Variants in NFATC1 observed in about 807,000 individuals in gnomAD.
NFATC1 encodes the protein nuclear factor of activated T cells 1.
A neutral mutation model predicts 76.0 loss-of-function variants in NFATC1; 22 were observed. The observed-to-expected ratio is 0.29, with a 90% CI of 0.21 to 0.41. The LOEUF is 0.41. Among genes scored for constraint, NFATC1 ranks in the 10% least tolerant of loss-of-function variants. The pLI, the probability that NFATC1 is intolerant of heterozygous loss-of-function variation, is 1.00. For missense variants in NFATC1, 1,357 were observed against 1,337.7 expected (o/e 1.01, Z -0.23); for synonymous variants, 704 against 613.1 (o/e 1.15, Z -2.19).
intron 1 of NFATC1, among the ~76,000 whole-genome samples, chr18:79,401,919 G>C (rs564440211): frequency 6.6e-6 from 1 of 152,216 alleles, no homozygotes; most frequent in Admixed American, 6.5e-5. Flanking sequence ...GACAGTGTAC[G>C]GCCCTGGGCC....
chr18:79,480,465 G>A (rs992161361), intron 8 of NFATC1, among the ~76,000 whole-genome samples: 4 of 152,110 alleles, frequency 2.6e-5, no homozygotes, highest in East Asian at 3.9e-4. Flanking sequence ...CGTGCGTCCC[G>A]ATGCCACTGC....
intron 9 of NFATC1, chr18:79,498,334 T>A (rs1401198804): frequency 3.5e-5 from 5 of 144,588 alleles, no homozygotes; most frequent in East Asian, 2.0e-4. Context: ...ATAGAGAATA[T>A]CCATAATGAG....
chr18:79,401,990 T>C (rs2085277675), intron 1 of NFATC1, among the ~76,000 whole-genome samples: 1 of 152,162 alleles, frequency 6.6e-6, no homozygotes, highest in Admixed American at 6.5e-5. Flanking sequence ...GGGGTAGTTA[T>C]CCCCATGGAG....
chr18:79,463,851 TG>T (rs1412351809), intron 7 of NFATC1, among the ~76,000 whole-genome samples: 1 of 152,166 alleles, frequency 6.6e-6, no homozygotes, highest in African/African-American at 2.4e-5. Flanking sequence ...ATGCCGGAGC[TG>T]GGCTGCCCAG....
At chr18:79,516,218 G>T (rs1045018941) in intron 9 of NFATC1, among the ~76,000 whole-genome samples, 8 of 152,170 alleles carry the variant, frequency 5.3e-5, no homozygotes, top group African/African-American at 1.9e-4. Flanking sequence ...CAGATGAGGG[G>T]CTTGTTTTAT....
intron 9 of NFATC1, among the ~76,000 whole-genome samples, chr18:79,523,390 C>T (rs1354313324): frequency 1.3e-5 from 2 of 152,220 alleles, no homozygotes; most frequent in Non-Finnish European, 2.9e-5. Flanking sequence ...TTGGGTAGCT[C>T]ACTACAGGGT....
In NFATC1 at chr18:79,460,948, C is replaced by T. The variant is rs115727413; in HGVS notation, c.1904-363C>T. Among the ~76,000 whole-genome samples, 739 of 152,316 alleles carry T rather than the reference C, an allele frequency of 4.9e-3. 7 individuals carry two copies. The highest frequency in any genetic ancestry group is 0.013 in the African/African-American group (534 of 41,578). ...CTGGAGAGGACGAGGGCATAGAGACCCTCCCGTGACCTGTCCTGAGGCTGT... is the reference window on the plus strand; with the variant it reads ...CTGGAGAGGACGAGGGCATAGAGACTCTCCCGTGACCTGTCCTGAGGCTGT... On this transcript the variant is annotated intron_variant, in intron 6 of 9. Transcript: ENST00000427363.
At chr18:79,432,969 C>A (rs1469632962) in intron 2 of NFATC1, among the ~76,000 whole-genome samples, 2 of 152,226 alleles carry the variant, frequency 1.3e-5, no homozygotes, top group Non-Finnish European at 2.9e-5. Flanking sequence ...GCAAAGTAAC[C>A]GAACAGCCTC....
intron 9 of NFATC1, among the ~76,000 whole-genome samples, chr18:79,492,102 G>A (rs571608926): frequency 2.0e-4 from 31 of 152,344 alleles, no homozygotes; most frequent in Admixed American, 1.5e-3. Flanking sequence ...AAGGCAATAA[G>A]AGAATAGTGT....
In NFATC1 at chr18:79,402,229, C is replaced by T. The variant is rs2085291867; in HGVS notation, c.127+5878C>T. 9 of 584,702 alleles carry T rather than the reference C, an allele frequency of 1.5e-5. No homozygotes were observed. In the South Asian group the frequency reaches 6.0e-4, roughly 39 times the overall value. The allele number at this position is 584,702 out of a possible 1,614,324, so 36.2% of individuals were successfully genotyped here. On this transcript the variant is annotated intron_variant, in intron 1 of 9. Transcript: ENST00000427363. ...TTATCCGGGAAGACGCACAGGAGGCCAGTCTCTGCCCCTCGAGGCCTAGTC... is the reference window on the plus strand; with the variant it reads ...TTATCCGGGAAGACGCACAGGAGGCTAGTCTCTGCCCCTCGAGGCCTAGTC...
chr18:79,415,724 T>G (rs893982551), intron 2 of NFATC1, among the ~76,000 whole-genome samples: 3 of 152,162 alleles, frequency 2.0e-5, no homozygotes, highest in Non-Finnish European at 4.4e-5. Context: ...TCCGCTTGGT[T>G]TCAATGATCA....
At chr18:79,405,864 G>A (rs1232752441) in intron 1 of NFATC1, among the ~76,000 whole-genome samples, 1 of 152,156 alleles carries the variant, frequency 6.6e-6, no homozygotes, top group Non-Finnish European at 1.5e-5. Flanking sequence ...AGGCGTCCGT[G>A]GGCCTCTGCA....
At chr18:79,407,387 G>C (rs1010914168) in intron 1 of NFATC1, among the ~76,000 whole-genome samples, 3 of 152,180 alleles carry the variant, frequency 2.0e-5, no homozygotes, top group African/African-American at 7.2e-5. Flanking sequence ...AGGATGCCCA[G>C]CTCCAGCTCC....
At chr18:79,462,105 G>A (rs2088136285) in intron 7 of NFATC1, among the ~76,000 whole-genome samples, 2 of 152,146 alleles carry the variant, frequency 1.3e-5, no homozygotes, top group South Asian at 4.1e-4. Context: ...GATAATGACC[G>A]TCCTCGGATT....
At chr18:79,474,846 A>G (rs374231516) in intron 8 of NFATC1, among the ~76,000 whole-genome samples, 260 of 70,800 alleles carry the variant, frequency 3.7e-3, no homozygotes, top group African/African-American at 0.015. Context: ...GCTCGCTGTC[A>G]ACGTAAACCT....
chr18:79,482,508 A>G (rs2089318950), intron 8 of NFATC1, among the ~76,000 whole-genome samples: 1 of 131,344 alleles, frequency 7.6e-6, no homozygotes, highest in South Asian at 2.5e-4. Context: ...CTGGGGTGTC[A>G]TTCCAGCGTG....
chr18:79,397,625 A>C (rs1024070814), intron 1 of NFATC1, among the ~76,000 whole-genome samples: 5 of 152,244 alleles, frequency 3.3e-5, no homozygotes, highest in Non-Finnish European at 1.5e-5. Context: ...TGCTCTTGCT[A>C]GTAGCAGAGT....
At chr18:79,428,508 G>T (rs992102971) in intron 2 of NFATC1, among the ~76,000 whole-genome samples, 1 of 152,228 alleles carries the variant, frequency 6.6e-6, no homozygotes, top group African/African-American at 2.4e-5. Context: ...CTCAGGGCAT[G>T]ACCGGAGATG....
intron 9 of NFATC1, among the ~76,000 whole-genome samples, chr18:79,494,238 G>A (rs572495983): frequency 6.7e-6 from 1 of 148,902 alleles, no homozygotes; most frequent in South Asian, 2.1e-4. Flanking sequence ...TGTGGCCGGG[G>A]GAAGGCGAGA....
Sources: allele counts gnomAD v4.1 joint callset (sites outside exome capture counted in the v4.1 genomes callset), GRCh38; gene constraint gnomAD v4.1.1; transcripts MANE v1.5; gene names NCBI Gene and HGNC (gene_info 2026-07-23, HGNC 2026-07-21).